MIGA1: variants seen among roughly 807,000 people sequenced by gnomAD.
MIGA1 encodes family with sequence similarity 73, member A.
A neutral mutation model predicts 82.0 loss-of-function variants in MIGA1; 58 were observed. The observed-to-expected ratio is 0.71, with a 90% CI of 0.57 to 0.88. MIGA1 has a LOEUF of 0.88. MIGA1 is among the 40% of genes least tolerant of loss of function. MIGA1 has a pLI of 0.00. For missense variants in MIGA1, 751 were observed against 749.1 expected (o/e 1.00, Z -0.03); for synonymous variants, 249 against 253.6 (o/e 0.98, Z 0.17).
chr1:77,795,636 T>C (rs887195092), intron 2 of MIGA1, among the ~76,000 whole-genome samples: 1 of 151,192 alleles, frequency 6.6e-6, no homozygotes, highest in Non-Finnish European at 1.5e-5. Context: ...TACTTTCTTT[T>C]TTTTTTTTTT....
intron 7 of MIGA1, 152 bp from the exon 8 acceptor site, chr1:77,843,155 A>G (rs1684689233): frequency 1.9e-5 from 10 of 514,158 alleles, no homozygotes; most frequent in Non-Finnish European, 3.1e-5. Context: ...AGAGTTTCAG[A>G]TTCAGTTAAA....
chr1:77,814,330 C>G (rs918696150), intron 6 of MIGA1, among the ~76,000 whole-genome samples: 1 of 151,988 alleles, frequency 6.6e-6, no homozygotes, highest in Non-Finnish European at 1.5e-5. Flanking sequence ...CCAGATTTAC[C>G]ATTCATCAAG....
intron 7 of MIGA1, among the ~76,000 whole-genome samples, chr1:77,834,409 C>G (rs1404397805): frequency 6.6e-6 from 1 of 152,098 alleles, no homozygotes. Context: ...CTCTTGGGGT[C>G]AAGTGGTCCT....
chr1:77,818,170 C>T (rs1284927280), intron 7 of MIGA1, among the ~76,000 whole-genome samples: 1 of 150,000 alleles, frequency 6.7e-6, no homozygotes, highest in African/African-American at 2.5e-5. Flanking sequence ...GTTGCCCAGG[C>T]TGGAGAGCAA....
chr1:77,825,946 A>G (rs1010315598), intron 7 of MIGA1, among the ~76,000 whole-genome samples: 3 of 152,140 alleles, frequency 2.0e-5, no homozygotes, highest in African/African-American at 7.2e-5. Context: ...TTTCATCTGT[A>G]ATGTGTAGGA....
intron 2 of MIGA1, among the ~76,000 whole-genome samples, chr1:77,796,071 A>C (rs1682641395): frequency 1.3e-5 from 2 of 152,086 alleles, no homozygotes; most frequent in South Asian, 4.2e-4. Context: ...GTACACATAA[A>C]GAAATTTCAG....
At chr1:77,831,849 G>A (rs1414901830) in intron 7 of MIGA1, among the ~76,000 whole-genome samples, 1 of 152,162 alleles carries the variant, frequency 6.6e-6, no homozygotes, top group Non-Finnish European at 1.5e-5. Context: ...GGAAGTTTAG[G>A]CTGCAAGACC....
At chr1:77,795,632 CTTT>C (rs774683958) in intron 2 of MIGA1, among the ~76,000 whole-genome samples, 5 of 136,146 alleles carry the variant, frequency 3.7e-5, no homozygotes, top group Non-Finnish European at 4.8e-5. Context: ...ATATTACTTT[CTTT>C]TTTTTTTTTT....
intron 14 of MIGA1, among the ~76,000 whole-genome samples, chr1:77,871,855 T>G (rs1225891329): frequency 6.6e-6 from 1 of 152,202 alleles, no homozygotes; most frequent in African/African-American, 2.4e-5. Flanking sequence ...ATTAAGTGAT[T>G]GAGTTGGGCT....
At chr1:77,853,784 G>A in intron 8 of MIGA1, 1 of 279,734 alleles carries the variant, frequency 3.6e-6, no homozygotes, top group Non-Finnish European at 7.1e-6. Flanking sequence ...AGTAATAGCT[G>A]TTGCTGTTGG....
At chr1:77,780,102 C>T (rs1681839058) in intron 1 of MIGA1, 1 of 1,011,786 alleles carries the variant, frequency 9.9e-7, no homozygotes, top group South Asian at 4.3e-5. Context: ...GAGGGACCCC[C>T]TTTTCTGGTG....
rs533371070 is a variant in MIGA1, at chr1:77,878,758, T to A, written c.*3694T>A. The A allele has an allele frequency of 1.7e-4, 66 of 384,656 alleles. No individual in the cohort carries two copies. Among genetic ancestry groups the A allele is most frequent in the African/African-American group, 1.2e-3 (58 of 48,500 alleles). The allele number at this position is 384,656 out of a possible 1,614,324, so 23.8% of individuals were successfully genotyped here. A position where few individuals can be genotyped will look rare whatever the true frequency, so the allele number is the denominator to read the frequency against. On this transcript the variant is annotated 3_prime_UTR_variant, in exon 16 of 16. Coordinates refer to ENST00000370791, the MANE Select transcript of MIGA1 (RefSeq NM_198549.4). ...AGAGTGCTTATTTCTTCTTGAAGGT[T>A]AACATTATGTTTATTAAGTATCAAA...
chr1:77,801,923 T>C (rs1682900641), intron 3 of MIGA1, among the ~76,000 whole-genome samples: 1 of 152,222 alleles, frequency 6.6e-6, no homozygotes, highest in African/African-American at 2.4e-5. Context: ...TCATTTTTAA[T>C]ATATAACTAG....
intron 7 of MIGA1, among the ~76,000 whole-genome samples, chr1:77,826,732 C>A (rs1392526495): frequency 6.6e-6 from 1 of 152,032 alleles, no homozygotes; most frequent in Non-Finnish European, 1.5e-5. Context: ...TCCTTGGCAT[C>A]CCAAAGTGCT....
At chr1:77,808,566 T>C (rs1327789224) in intron 5 of MIGA1, among the ~76,000 whole-genome samples, 2 of 152,234 alleles carry the variant, frequency 1.3e-5, no homozygotes, top group African/African-American at 4.8e-5. Flanking sequence ...GACTTGACCA[T>C]GAACATGTCT....
intron 7 of MIGA1, among the ~76,000 whole-genome samples, chr1:77,840,761 AAGGTCGCGCCATTGCACTCCAGCCT>A (rs1227676991): frequency 6.6e-6 from 1 of 152,142 alleles, no homozygotes; most frequent in Non-Finnish European, 1.5e-5. Context: ...GTGGTGAGCC[AAGGTCGCGCCATTGCACTCCAGCCT>A]AGGCAACGAG....
At chr1:77,858,708 T>C (rs112877618) in intron 8 of MIGA1, among the ~76,000 whole-genome samples, 3,834 of 152,262 alleles carry the variant, frequency 0.025, 56 homozygotes, top group Middle Eastern at 0.065. Context: ...AACTTCAACC[T>C]CCTGTGCTCA....
chr1:77,781,158 C>T (rs987969089), intron 1 of MIGA1, among the ~76,000 whole-genome samples: 3 of 152,106 alleles, frequency 2.0e-5, no homozygotes, highest in Non-Finnish European at 4.4e-5. Flanking sequence ...ATCCACCCAC[C>T]TCGGCCTCCC....
At chr1:77,801,289 A>G (rs200428149) in intron 2 of MIGA1, 42 bp from the exon 3 acceptor site, 15 of 1,459,004 alleles carry the variant, frequency 1.0e-5, no homozygotes, top group Non-Finnish European at 1.4e-5. Context: ...TAAGTGAACA[A>G]ATTAAAGAGA....
Sources: gnomAD v4.1 joint callset for allele counts (sites outside exome capture counted in the v4.1 genomes callset) on GRCh38, gnomAD v4.1.1 for gene constraint, MANE v1.5 for transcripts, NCBI Gene and HGNC (gene_info 2026-07-23, HGNC 2026-07-21) for gene names.